Variants in ZC3H12B observed in about 807,000 individuals in gnomAD.
The protein encoded by ZC3H12B is probable ribonuclease ZC3H12B.
ZC3H12B carries 7 observed loss-of-function variants against 43.9 expected under a neutral mutation model. That is an observed-to-expected ratio of 0.16 (90% CI 0.09 to 0.30). The LOEUF (loss-of-function observed/expected upper bound fraction) is 0.30, where lower values mean the gene tolerates loss of function less well. Among genes scored for constraint, ZC3H12B ranks in the 10% least tolerant of loss-of-function variants. The probability of loss-of-function intolerance (pLI) is 1.00; values close to 1 mark genes in which losing one functional copy is unlikely to be tolerated. For synonymous variants in ZC3H12B, 222 were observed against 241.7 expected, an observed-to-expected ratio of 0.92 and a Z score of 0.76; for missense variants, 475 against 670.2, an observed-to-expected ratio of 0.71 and a Z score of 3.22.
At chrX:65,463,317 T>G (rs747293947) in intron 3 of ZC3H12B, among the ~76,000 whole-genome samples, 2 of 112,049 alleles carry the variant, frequency 1.8e-5, no homozygotes, top group Non-Finnish European at 3.8e-5. Flanking sequence ...TTGCATTGAA[T>G]TTGTAGATTG....
At chrX:65,427,416 C>T (rs906164228) in intron 3 of ZC3H12B, among the ~76,000 whole-genome samples, 2 of 110,903 alleles carry the variant, frequency 1.8e-5, no homozygotes, top group African/African-American at 6.6e-5. Context: ...TAAACCTCAG[C>T]CTCCTAGGTT....
intron 2 of ZC3H12B, among the ~76,000 whole-genome samples, chrX:65,386,609 T>A (rs1378253442): frequency 1.8e-5 from 2 of 111,640 alleles, no homozygotes; most frequent in East Asian, 5.6e-4. Flanking sequence ...CCTGGTTTCA[T>A]TGATTTTTTG....
chrX:65,501,738 A>G, intron 4 of ZC3H12B, 51 bp from the exon 10 acceptor site: 6 of 1,075,119 alleles, frequency 5.6e-6, no homozygotes, highest in Non-Finnish European at 6.1e-6. Context: ...TTTTTGGCAC[A>G]GAGGGTTCCA....
chrX:65,101,935 G>A, the ZC3H12B span, among the ~76,000 whole-genome samples: 11 of 112,255 alleles, frequency 9.8e-5, no homozygotes, highest in South Asian at 1.8e-3. Flanking sequence ...AACAAGAAAA[G>A]AAAAGTTTTA....
intron 2 of ZC3H12B, among the ~76,000 whole-genome samples, chrX:65,384,930 G>A (rs1469461500): frequency 8.9e-6 from 1 of 112,043 alleles, no homozygotes; most frequent in East Asian, 2.8e-4. Flanking sequence ...TCTTGTGTTT[G>A]TCAGGTTTGT....
the ZC3H12B span, among the ~76,000 whole-genome samples, chrX:65,058,593 T>G: frequency 8.9e-6 from 1 of 111,998 alleles, no homozygotes; most frequent in Non-Finnish European, 1.9e-5. Context: ...ACCACTACTG[T>G]CTTCCAAGCT....
intron 2 of ZC3H12B, among the ~76,000 whole-genome samples, chrX:65,379,767 C>G (rs1455256728): frequency 8.9e-6 from 1 of 111,981 alleles, no homozygotes; most frequent in Non-Finnish European, 1.9e-5. Flanking sequence ...CTTAAAGGAG[C>G]TGATGGAGCT....
the ZC3H12B span, among the ~76,000 whole-genome samples, chrX:65,255,120 C>A: frequency 8.9e-6 from 1 of 112,098 alleles, no homozygotes; most frequent in Middle Eastern, 4.6e-3. Flanking sequence ...AGAGAAATCA[C>A]ACAACTTGGA....
intron 1 of ZC3H12B, among the ~76,000 whole-genome samples, chrX:65,492,892 A>G (rs938250581): frequency 9.0e-6 from 1 of 111,654 alleles, no homozygotes. Flanking sequence ...GCTTGAGCCC[A>G]GGAGTTCGAG....
At chrX:65,055,031 A>T in the ZC3H12B span, among the ~76,000 whole-genome samples, 1 of 111,783 alleles carries the variant, frequency 8.9e-6, no homozygotes, top group Non-Finnish European at 1.9e-5. Context: ...TCATCTGCAA[A>T]CAGGGACAAT....
the ZC3H12B span, among the ~76,000 whole-genome samples, chrX:65,132,980 C>T: frequency 1.6e-3 from 182 of 111,039 alleles, no homozygotes; most frequent in African/African-American, 4.9e-3. Context: ...GAGTGGCTGC[C>T]GGGTGAGTTG....
At chrX:65,416,831 C>T (rs1309993541) in intron 3 of ZC3H12B, among the ~76,000 whole-genome samples, 1 of 110,121 alleles carries the variant, frequency 9.1e-6, no homozygotes, top group East Asian at 2.8e-4. Flanking sequence ...TCCAGACTTA[C>T]TGAATCAAAG....
At chrX:65,366,294 C>T (rs1281015218), upstream of ZC3H12B, among the ~76,000 whole-genome samples, 1 of 111,403 alleles carries the variant, frequency 9.0e-6, no homozygotes, top group Non-Finnish European at 1.9e-5. Flanking sequence ...GCTTATTTGG[C>T]TTCTTCTTTT....
At chrX:65,235,635 G>T in the ZC3H12B span, among the ~76,000 whole-genome samples, 2 of 111,191 alleles carry the variant, frequency 1.8e-5, no homozygotes, top group African/African-American at 6.5e-5. Flanking sequence ...AGCTAGCCTG[G>T]TCAGGCTGCA....
chrX:65,057,168 C>G, the ZC3H12B span, among the ~76,000 whole-genome samples: 1 of 111,997 alleles, frequency 8.9e-6, no homozygotes. Flanking sequence ...GATGCAGTTT[C>G]TTCCTAGCCT....
At chrX:65,106,687 G>A in the ZC3H12B span, among the ~76,000 whole-genome samples, 9 of 111,079 alleles carry the variant, frequency 8.1e-5, no homozygotes, top group Non-Finnish European at 3.8e-5. Flanking sequence ...AGCCTGGAGA[G>A]ATAACAAGGA....
chrX:65,203,750 A>G, the ZC3H12B span, among the ~76,000 whole-genome samples: 1 of 111,660 alleles, frequency 9.0e-6, no homozygotes, highest in Non-Finnish European at 1.9e-5. Context: ...GTGTTTTACT[A>G]GGTCACATGC....
chrX:65,499,155 G>A (rs767926450), exon 3 of ZC3H12B: 1 of 1,211,170 alleles, frequency 8.3e-7, no homozygotes, highest in Admixed American at 2.2e-5. Flanking sequence ...GATAACTACC[G>A]AGACCTTCAA....
At chrX:65,402,173 C>A (rs1197884557) in intron 3 of ZC3H12B, among the ~76,000 whole-genome samples, 1 of 111,733 alleles carries the variant, frequency 8.9e-6, no homozygotes, top group Non-Finnish European at 1.9e-5. Flanking sequence ...TGGTAGTAGT[C>A]TGGCAGAACT....
Sources: allele counts gnomAD v4.1 joint callset (sites outside exome capture counted in the v4.1 genomes callset), GRCh38; gene constraint gnomAD v4.1.1; transcripts MANE v1.5; gene names NCBI Gene and HGNC (gene_info 2026-07-23, HGNC 2026-07-21).